METTL9: variants seen among roughly 807,000 people sequenced by gnomAD.
METTL9 encodes the protein methyltransferase 9, His-X-His N1(pi)-histidine.
A neutral mutation model predicts 36.0 loss-of-function variants in METTL9; 10 were observed. That is an observed-to-expected ratio of 0.28 (90% CI 0.17 to 0.47). The LOEUF (loss-of-function observed/expected upper bound fraction) is 0.47, where lower values mean the gene tolerates loss of function less well. Among genes scored for constraint, METTL9 ranks in the 20% least tolerant of loss-of-function variants. The pLI is 0.99. For synonymous variants in METTL9, 175 were observed against 149.7 expected (o/e 1.17, Z -1.23); for missense variants, 246 against 383.5 (o/e 0.64, Z 3.00).
chr16:21,650,861 T>C (rs1048566683), intron 4 of METTL9, among the ~76,000 whole-genome samples: 4 of 152,184 alleles, frequency 2.6e-5, no homozygotes, highest in Non-Finnish European at 5.9e-5. Context: ...AAACACAGTA[T>C]CCAATGAAAA....
rs777820203 is a variant in METTL9, at chr16:21,612,842, G to C, written c.356+7G>C. 2.5e-6 allele frequency: 4 copies of C among 1,568,980 alleles called. No homozygotes were observed. The highest frequency in any genetic ancestry group is 2.8e-5 in the African/African-American group (2 of 72,042). On this transcript the variant is annotated splice_region_variant and intron_variant, in intron 2 of 4. Transcript: ENST00000358154. ...CTAGAACATCTATCAATGGGTAAGT[G>C]AATCTTGGACATTTATTTTTTTCTT... is the stretch of plus-strand genomic sequence containing the variant.
intron 4 of METTL9, among the ~76,000 whole-genome samples, chr16:21,628,389 A>C (rs12923444): frequency 0.32 from 49,099 of 152,118 alleles, 9,399 homozygotes; most frequent in Non-Finnish European, 0.44. Context: ...CCAGCACACC[A>C]CTAGATGTAT....
At chr16:21,624,418 G>T (rs1216236442) in intron 3 of METTL9, among the ~76,000 whole-genome samples, 1 of 152,032 alleles carries the variant, frequency 6.6e-6, no homozygotes, top group South Asian at 2.1e-4. Context: ...TTGGAAATAG[G>T]TGAAATGCTA....
Position 21,612,710 on chromosome 16 carries a change from T to C in METTL9, c.231T>C (p.Leu77=). 3 of 1,612,722 alleles carry C rather than the reference T, an allele frequency of 1.9e-6. No homozygotes were observed. In the South Asian group the frequency reaches 3.3e-5, roughly 18 times the overall value. The part of the protein sequence containing the change: ...SLQAVFVQSY[L]DQGTQIFLNN... ...AGGCTGTCTTTGTTCAGAGTTACCT[T>C]GATCAAGGAACACAGATCTTCTTAA... The change falls in exon 2 of 5, where the codon CTT becomes CTC. Residue 77 remains leucine, a synonymous_variant. Coordinates refer to ENST00000358154, the MANE Select transcript of METTL9 (RefSeq NM_016025.5).
chr16:21,631,587 T>C (rs1275899154), intron 4 of METTL9, among the ~76,000 whole-genome samples: 1 of 152,192 alleles, frequency 6.6e-6, no homozygotes, highest in Non-Finnish European at 1.5e-5. Flanking sequence ...CGTTTTTCCT[T>C]AATCGCCCGG....
Position 21,644,713 on chromosome 16 carries a change from C to T in METTL9, c.752-10514C>T, listed in dbSNP as rs1342268335. 2.0e-5 allele frequency among the ~76,000 whole-genome samples: 3 copies of T among 152,312 alleles called. No homozygotes were observed. In the East Asian group the frequency reaches 5.8e-4, roughly 29 times the overall value. ...TTGAAGTTAGATAAACATTTCCAGA[C>T]AGTTTGTTCAAGGGCATCTAAAATC... On this transcript the variant is annotated intron_variant, in intron 4 of 4. Coordinates refer to ENST00000358154, the MANE Select transcript of METTL9 (RefSeq NM_016025.5).
At chr16:21,650,367 G>T in intron 4 of METTL9, among the ~76,000 whole-genome samples, 1 of 152,058 alleles carries the variant, frequency 6.6e-6, no homozygotes, top group East Asian at 1.9e-4. Context: ...AATTAGCCAG[G>T]TGTGGTGGTG....
intron 4 of METTL9, chr16:21,644,262 A>G (rs1966359481): frequency 1.4e-6 from 2 of 1,415,200 alleles, no homozygotes; most frequent in East Asian, 2.3e-5. Flanking sequence ...GGATATAGGG[A>G]CATTCCATGC....
intron 4 of METTL9, chr16:21,641,439 TA>T: frequency 1.6e-6 from 1 of 607,188 alleles, no homozygotes; most frequent in Non-Finnish European, 2.8e-6. Flanking sequence ...AGTTTACCTT[TA>T]TTTTTTTTTA....
At chr16:21,654,029 C>CTTTTTT (rs1966644945) in intron 4 of METTL9, 1 of 141,588 alleles carries the variant, frequency 7.1e-6, no homozygotes, top group African/African-American at 2.7e-5. Flanking sequence ...TATTCTCAGT[C>CTTTTTT]TGTTTTGTTT....
At chr16:21,654,751 C>A (rs1452660403) in intron 4 of METTL9, 1 of 153,552 alleles carries the variant, frequency 6.5e-6, no homozygotes, top group Non-Finnish European at 1.4e-5. Flanking sequence ...CCTAATAAAT[C>A]TCTCTAGGTA....
intron 3 of METTL9, among the ~76,000 whole-genome samples, chr16:21,618,905 A>G (rs1965622957): frequency 6.6e-6 from 1 of 151,980 alleles, no homozygotes; most frequent in African/African-American, 2.4e-5. Context: ...TAGTAGGGAT[A>G]GGGTTTCACT....
At chr16:21,637,504 C>T (rs949540596) in intron 4 of METTL9, among the ~76,000 whole-genome samples, 4 of 152,230 alleles carry the variant, frequency 2.6e-5, no homozygotes, top group African/African-American at 9.6e-5. Flanking sequence ...CAGAAAAGTT[C>T]TCCAGGTCCC....
chr16:21,607,581 A>G (rs755225685), intron 1 of METTL9, among the ~76,000 whole-genome samples: 2 of 152,220 alleles, frequency 1.3e-5, no homozygotes, highest in Non-Finnish European at 2.9e-5. Flanking sequence ...TGTACTTGGC[A>G]TCAGCAGATG....
chr16:21,627,055 CA>C (rs750656580), intron 4 of METTL9: 15 of 985,270 alleles, frequency 1.5e-5, no homozygotes, highest in Non-Finnish European at 1.8e-5. Flanking sequence ...GCATGTGACA[CA>C]CTGCAGACCT....
chr16:21,626,964 G>A (rs1306577427), intron 4 of METTL9: 1 of 985,288 alleles, frequency 1.0e-6, no homozygotes, highest in Non-Finnish European at 1.2e-6. Context: ...AACTAGACAA[G>A]AGGGAAGTCT....
At chr16:21,645,531 T>C (rs1966398748) in intron 4 of METTL9, among the ~76,000 whole-genome samples, 1 of 152,204 alleles carries the variant, frequency 6.6e-6, no homozygotes, top group African/African-American at 2.4e-5. Context: ...TTTTTATTTG[T>C]GAAACTAACA....
intron 1 of METTL9, among the ~76,000 whole-genome samples, chr16:21,600,468 G>A (rs1473423542): frequency 6.6e-6 from 1 of 152,228 alleles, no homozygotes; most frequent in Non-Finnish European, 1.5e-5. Flanking sequence ...GGTTTGACAG[G>A]TTGTCGCTCC....
chr16:21,598,221 C>A (rs1305514737), upstream of METTL9, among the ~76,000 whole-genome samples: 1 of 151,986 alleles, frequency 6.6e-6, no homozygotes, highest in Non-Finnish European at 1.5e-5. Context: ...TGGTGGCGCG[C>A]ACCCGTAGTC....
Sources: gnomAD v4.1 joint callset for allele counts (sites outside exome capture counted in the v4.1 genomes callset) on GRCh38, gnomAD v4.1.1 for gene constraint, MANE v1.5 for transcripts, NCBI Gene and HGNC (gene_info 2026-07-23, HGNC 2026-07-21) for gene names.